SMAD1: variants seen among roughly 807,000 people sequenced by gnomAD.
The protein encoded by SMAD1 is MAD, mothers against decapentaplegic homolog 1.
SMAD1 carries 6 observed loss-of-function variants against 41.6 expected under a neutral mutation model. That is an observed-to-expected ratio of 0.14 (90% CI 0.08 to 0.28). The LOEUF (loss-of-function observed/expected upper bound fraction) is 0.28. Among genes scored for constraint, SMAD1 ranks in the 10% least tolerant of loss-of-function variants. The pLI is 1.00. For synonymous variants in SMAD1, 206 were observed against 203.2 expected, an observed-to-expected ratio of 1.01 and a Z score of -0.12; for missense variants, 379 against 582.6, an observed-to-expected ratio of 0.65 and a Z score of 3.60.
At chr4:145,537,328 CAG>C (rs1033027820) in intron 2 of SMAD1, among the ~76,000 whole-genome samples, 5 of 152,114 alleles carry the variant, frequency 3.3e-5, no homozygotes, top group Non-Finnish European at 5.9e-5. Flanking sequence ...TACCTGCTCT[CAG>C]ATAATTCAGA....
intron 4 of SMAD1, among the ~76,000 whole-genome samples, chr4:145,544,004 T>C (rs1224225537): frequency 6.6e-6 from 1 of 152,208 alleles, no homozygotes. Context: ...TGATTTTGTC[T>C]CTATGACACA....
In SMAD1 at chr4:145,557,901, T is replaced by C; in HGVS notation, c.1365T>C (p.Gly455=). Residue 455 remains glycine (G), a synonymous_variant, in exon 7 of 7, where the codon GGT becomes GGC. Transcript: ENST00000302085. ...TGGATAAAGTTCTTACTCAAATGGGTTCACCTCATAATCCTATTTCATCTG... is the reference window on the plus strand; with the variant it reads ...TGGATAAAGTTCTTACTCAAATGGGCTCACCTCATAATCCTATTTCATCTG... ...QWLDKVLTQM[G]SPHNPISSVS is the part of the protein sequence containing the mutation. 6.2e-7 allele frequency: 1 copy of C among 1,612,056 alleles called. No individual in the cohort carries two copies. The highest frequency in any genetic ancestry group is 8.5e-7 in the Non-Finnish European group (1 of 1,178,738).
intron 1 of SMAD1, among the ~76,000 whole-genome samples, chr4:145,500,245 C>T (rs1729351760): frequency 6.6e-6 from 1 of 152,090 alleles, no homozygotes. Context: ...TTCTATTAAA[C>T]TCTAAGTTGG....
At chr4:145,497,139 G>T (rs1033203735) in intron 1 of SMAD1, 38 of 152,174 alleles carry the variant, frequency 2.5e-4, no homozygotes. Context: ...ATGATTAAAA[G>T]CTTTGATGAA....
chr4:145,539,776 C>T (rs749740088), intron 2 of SMAD1, 28 bp from the exon 3 acceptor site: 2 of 1,605,890 alleles, frequency 1.2e-6, no homozygotes, highest in Non-Finnish European at 1.7e-6. Context: ...CATGTTTGTC[C>T]TTCTCTTTTT....
Position 145,514,567 on chromosome 4 carries a change from A to G in SMAD1, c.-47A>G, listed in dbSNP as rs369927679. 2.0e-6 allele frequency: 3 copies of G among 1,496,784 alleles called. No homozygotes were observed. The African/African-American group carries it at 4.2e-5, about 21-fold the overall frequency. 92.7% of individuals were successfully genotyped at this position (1,496,784 alleles called of 1,614,324 possible). On this transcript the variant is annotated 5_prime_UTR_variant, in exon 2 of 7. Coordinates refer to ENST00000302085, the MANE Select transcript of SMAD1 (RefSeq NM_005900.3). The surrounding 1 kb of genome is among the most constrained non-coding windows in gnomAD (Gnocchi z 4.7). ...TTCTGCTGTCCTTTTGCATTTGGAG[A>G]CAGCTTTATTTCACCATATCCAAGG...
chr4:145,517,270 T>C (rs1009298675), intron 2 of SMAD1, among the ~76,000 whole-genome samples: 3 of 152,236 alleles, frequency 2.0e-5, no homozygotes, highest in African/African-American at 4.8e-5. Context: ...CCTCTATCTG[T>C]ACCTGTTTCT....
chr4:145,545,354 C>T (rs1372886284), intron 4 of SMAD1: 2 of 152,130 alleles, frequency 1.3e-5, no homozygotes, highest in East Asian at 3.8e-4. Flanking sequence ...TGATAAAAGC[C>T]TTCTGCTAAT....
At position 145,537,643 on chromosome 4, in the gene SMAD1, T is replaced by C. The variant is rs190125160; in HGVS notation, c.401-2161T>C. On this transcript the variant is annotated intron_variant, in intron 2 of 6. Coordinates refer to ENST00000302085, the MANE Select transcript of SMAD1 (RefSeq NM_005900.3). ...ATCATCAGATAAATTGTAGTTTATA[T>C]ATATAACAAGATGCTACACACACAC... is the stretch of plus-strand genomic sequence containing the variant. Among the ~76,000 whole-genome samples the C allele has an allele frequency of 2.6e-3, 395 of 152,282 alleles. 3 individuals are homozygous for C. The highest frequency in any genetic ancestry group is 8.9e-3 in the African/African-American group (371 of 41,550).
At chr4:145,536,465 C>T (rs1238410939) in intron 2 of SMAD1, among the ~76,000 whole-genome samples, 1 of 152,086 alleles carries the variant, frequency 6.6e-6, no homozygotes, top group Non-Finnish European at 1.5e-5. Context: ...TGAACAGGCA[C>T]CCAATGGCCA....
chr4:145,487,806 G>A (rs1305764734), intron 1 of SMAD1, among the ~76,000 whole-genome samples: 3 of 152,274 alleles, frequency 2.0e-5, no homozygotes, highest in South Asian at 2.1e-4. Flanking sequence ...TAGCTATTGC[G>A]GGCTGACTTG....
intron 2 of SMAD1, among the ~76,000 whole-genome samples, chr4:145,522,496 G>A (rs752702459): frequency 1.3e-5 from 2 of 151,964 alleles, no homozygotes; most frequent in Non-Finnish European, 2.9e-5. Context: ...AGCTCTCAGA[G>A]GCTGAGGCAG....
chr4:145,497,777 A>G (rs1395193950), intron 1 of SMAD1: 3 of 152,228 alleles, frequency 2.0e-5, no homozygotes, highest in African/African-American at 7.2e-5. Context: ...ATGCTTGCTT[A>G]TATCTAAAGC....
intron 2 of SMAD1, among the ~76,000 whole-genome samples, chr4:145,534,613 C>G (rs758088736): frequency 1.3e-5 from 2 of 152,070 alleles, no homozygotes; most frequent in Non-Finnish European, 2.9e-5. Flanking sequence ...CTAAAAGACT[C>G]GAACATTTAT....
At chr4:145,507,574 T>G (rs896539044) in intron 1 of SMAD1, among the ~76,000 whole-genome samples, 1 of 151,984 alleles carries the variant, frequency 6.6e-6, no homozygotes, top group Non-Finnish European at 1.5e-5. Context: ...CCCTTTCTGG[T>G]TCAGAATATT....
chr4:145,532,231 T>C (rs558397205), intron 2 of SMAD1, among the ~76,000 whole-genome samples: 1 of 152,324 alleles, frequency 6.6e-6, no homozygotes, highest in Non-Finnish European at 1.5e-5. Context: ...GGAAAAGGGA[T>C]TTTATTTTTA....
intron 1 of SMAD1, among the ~76,000 whole-genome samples, chr4:145,500,977 A>G (rs1427033380): frequency 1.3e-5 from 2 of 152,200 alleles, no homozygotes; most frequent in Non-Finnish European, 2.9e-5. Context: ...GTTTTCTTCA[A>G]AGTACAGCTA....
chr4:145,554,312 C>A (rs1000047752), intron 6 of SMAD1, among the ~76,000 whole-genome samples: 2 of 151,926 alleles, frequency 1.3e-5, no homozygotes, highest in African/African-American at 4.8e-5. Flanking sequence ...TATTGTATTA[C>A]CAGTAGAATA....
intron 1 of SMAD1, chr4:145,503,054 T>A (rs1444308177): frequency 1.3e-5 from 2 of 152,170 alleles, no homozygotes; most frequent in Non-Finnish European, 2.9e-5. Context: ...ACTGAACCTC[T>A]CTCCTATCTC....
Sources: allele counts gnomAD v4.1 joint callset (sites outside exome capture counted in the v4.1 genomes callset), GRCh38; gene constraint gnomAD v4.1.1; non-coding constraint Gnocchi (gnomAD v3.1); transcripts MANE v1.5; gene names NCBI Gene and HGNC (gene_info 2026-07-23, HGNC 2026-07-21).